GRID2: variants seen among roughly 807,000 people sequenced by gnomAD.
GRID2 encodes glutamate ionotropic receptor delta type subunit 2, also known as glutamate receptor ionotropic, delta-2.
A neutral mutation model predicts 114.8 loss-of-function variants in GRID2; 33 were observed. That is an observed-to-expected ratio of 0.29 (90% CI 0.22 to 0.38). The LOEUF (loss-of-function observed/expected upper bound fraction) is 0.38. GRID2 is among the 10% of genes least tolerant of loss of function. GRID2 has a pLI of 1.00. For missense variants in GRID2, 1,184 were observed against 1,257.7 expected, an observed-to-expected ratio of 0.94 and a Z score of 0.89; for synonymous variants, 505 against 449.9, an observed-to-expected ratio of 1.12 and a Z score of -1.55.
At chr4:92,494,626 C>T (rs899127698) in intron 1 of GRID2, among the ~76,000 whole-genome samples, 2 of 152,030 alleles carry the variant, frequency 1.3e-5, no homozygotes, top group African/African-American at 4.8e-5. Context: ...AAGTCTAATT[C>T]TGCTGATATA....
At chr4:92,667,199 T>G (rs116178204) in intron 2 of GRID2, among the ~76,000 whole-genome samples, 1 of 151,806 alleles carries the variant, frequency 6.6e-6, no homozygotes, top group Non-Finnish European at 1.5e-5. Context: ...ATGGGAAAGA[T>G]TTTTGCTTGT....
At chr4:93,278,214 A>C (rs2149580912) in intron 8 of GRID2, among the ~76,000 whole-genome samples, 1 of 151,902 alleles carries the variant, frequency 6.6e-6, no homozygotes, top group Non-Finnish European at 1.5e-5. Flanking sequence ...TGCTCATGTT[A>C]AAAACTGAGA....
intron 4 of GRID2, among the ~76,000 whole-genome samples, chr4:93,113,909 C>T (rs1022021625): frequency 3.9e-5 from 6 of 152,028 alleles, no homozygotes; most frequent in African/African-American, 1.4e-4. Context: ...GGGCATGCAG[C>T]AAGAAGGCAA....
chr4:92,734,032 C>T (rs1736464733), intron 2 of GRID2, among the ~76,000 whole-genome samples: 1 of 152,032 alleles, frequency 6.6e-6, no homozygotes, highest in Non-Finnish European at 1.5e-5. Context: ...ACTTGCAGCT[C>T]TTATTTCTGA....
At chr4:93,722,319 C>T (rs922578350) in intron 14 of GRID2, among the ~76,000 whole-genome samples, 2 of 152,110 alleles carry the variant, frequency 1.3e-5, no homozygotes, top group African/African-American at 2.4e-5. Flanking sequence ...AGTTATTACT[C>T]ATGAATTACA....
Position 92,541,161 on chromosome 4 carries a change from G to A in GRID2, c.89-48970G>A, listed in dbSNP as rs183219664. Reference sequence around the variant, plus strand: ...CCTGTTGTAGGGTGGGGAGAGGGGGGAGGGATAGCATTAGTAGATATATCT... The same window carrying A: ...CCTGTTGTAGGGTGGGGAGAGGGGGAAGGGATAGCATTAGTAGATATATCT... On this transcript the variant is annotated intron_variant, in intron 1 of 15. Coordinates refer to ENST00000282020, the MANE Select transcript of GRID2 (RefSeq NM_001510.4). 2.0e-5 allele frequency among the ~76,000 whole-genome samples: 3 copies of A among 152,104 alleles called. No individual in the cohort carries two copies. The South Asian group carries it at 6.2e-4, about 32-fold the overall frequency.
intron 8 of GRID2, among the ~76,000 whole-genome samples, chr4:93,309,610 CA>C (rs761652244): frequency 3.0e-4 from 45 of 152,018 alleles, no homozygotes; most frequent in Non-Finnish European, 4.1e-4. Flanking sequence ...GAGTCTGCTG[CA>C]AAGAGAATCC....
chr4:93,184,531 C>G (rs946798136), intron 4 of GRID2, among the ~76,000 whole-genome samples: 2 of 131,034 alleles, frequency 1.5e-5, no homozygotes, highest in Non-Finnish European at 3.2e-5. Context: ...AAAAAAAAAA[C>G]TCACAGGTAC....
intron 1 of GRID2, among the ~76,000 whole-genome samples, chr4:92,450,374 A>C (rs1053275822): frequency 6.6e-6 from 1 of 152,038 alleles, no homozygotes; most frequent in Non-Finnish European, 1.5e-5. Context: ...AGAAGTAGAA[A>C]TCAAATGATA....
chr4:93,473,343 T>C lies in GRID2; in HGVS notation c.1859-17296T>C, dbSNP rs568004917. Among the ~76,000 whole-genome samples the C allele has an allele frequency of 2.0e-3, 302 of 152,320 alleles. 2 individuals are homozygous for C. Among genetic ancestry groups the C allele is most frequent in the Non-Finnish European group, 3.1e-3 (211 of 68,008 alleles). ...AGACTTGATACTTTCAGCTTAACAT[T>C]GTACCATACTTCATATTTGAACATT... On this transcript the variant is annotated intron_variant, in intron 11 of 15. Transcript: ENST00000282020.
In GRID2 at chr4:93,279,482, GT is replaced by G. The variant is rs533399694; in HGVS notation, c.1245+41000del. ...GGATACTCAGCCATGATATTGACAG[GT>G]TTTTTTTCAGCATTATTTTGGAACA... On this transcript the variant is annotated intron_variant, in intron 8 of 15. Transcript: ENST00000282020. Among the ~76,000 whole-genome samples, 193 of 151,316 alleles carry G rather than the reference GT, an allele frequency of 1.3e-3. 1 individual carries two copies. The highest frequency in any genetic ancestry group is 4.3e-3 in the African/African-American group (177 of 41,290).
At chr4:92,580,604 A>T (rs1265000400) in intron 1 of GRID2, among the ~76,000 whole-genome samples, 1 of 139,120 alleles carries the variant, frequency 7.2e-6, no homozygotes, top group Non-Finnish European at 1.6e-5. Flanking sequence ...TCTGTAGAAG[A>T]CAGCCTACAC....
At chr4:92,979,964 T>A (rs1754090990) in intron 2 of GRID2, among the ~76,000 whole-genome samples, 1 of 152,212 alleles carries the variant, frequency 6.6e-6, no homozygotes, top group South Asian at 2.1e-4. Context: ...ATCTGCTTTA[T>A]CACTACAGTG....
chr4:93,739,349 G>A (rs1731184309), intron 14 of GRID2, among the ~76,000 whole-genome samples: 1 of 152,078 alleles, frequency 6.6e-6, no homozygotes, highest in Non-Finnish European at 1.5e-5. Flanking sequence ...TAGCCTAGTG[G>A]TACAAGAAGC....
intron 3 of GRID2, among the ~76,000 whole-genome samples, chr4:93,092,104 C>A (rs1730843014): frequency 6.6e-6 from 1 of 152,058 alleles, no homozygotes; most frequent in Non-Finnish European, 1.5e-5. Context: ...TAAAGCTGGA[C>A]ATCTTTTGAA....
chr4:93,476,020 C>T (rs967401518), intron 11 of GRID2, among the ~76,000 whole-genome samples: 1 of 151,814 alleles, frequency 6.6e-6, no homozygotes. Context: ...ATTGCCAGGT[C>T]TGTGGTAAAA....
At chr4:92,713,211 A>G (rs1009025639) in intron 2 of GRID2, among the ~76,000 whole-genome samples, 1 of 150,470 alleles carries the variant, frequency 6.6e-6, no homozygotes, top group Non-Finnish European at 1.5e-5. Flanking sequence ...CAATGACTTG[A>G]CTTTTTCTAA....
At position 93,085,223 on chromosome 4, in the gene GRID2, G is replaced by A; in HGVS notation, c.473G>A (p.Arg158Lys). The change falls in exon 3 of 16, where the codon AGA (arginine) becomes AAA (lysine). Residue 158 changes from arginine (R) to lysine (K), a missense_variant. Physicochemically the swap from Arg to Lys is conservative, Grantham distance 26. This residue lies in a region of GRID2 where 455 missense variants were observed against 429.5 expected (regional missense o/e 1.06). Coordinates refer to ENST00000282020, the MANE Select transcript of GRID2 (RefSeq NM_001510.4). ...GTCTACTTGCATGATGTTATCCTAA[G>A]AGTGGTCACAGAGTATGCCTGGCAG... Reference protein sequence around the residue: ...PPVYLHDVILRVVTEYAWQKF... With the variant: ...PPVYLHDVILKVVTEYAWQKF... 6.2e-7 allele frequency: 1 copy of A among 1,613,642 alleles called. No individual in the cohort carries two copies. The highest frequency in any genetic ancestry group is 8.5e-7 in the Non-Finnish European group (1 of 1,179,522).
chr4:92,993,319 T>A (rs761429450), intron 2 of GRID2, among the ~76,000 whole-genome samples: 1 of 151,940 alleles, frequency 6.6e-6, no homozygotes, highest in African/African-American at 2.4e-5. Context: ...AACTTTCTGT[T>A]GAATGCAGTT....
Sources: allele counts gnomAD v4.1 joint callset (sites outside exome capture counted in the v4.1 genomes callset), GRCh38; gene constraint gnomAD v4.1.1; regional missense constraint gnomAD v4.1.1; transcripts MANE v1.5; gene names NCBI Gene and HGNC (gene_info 2026-07-23, HGNC 2026-07-21).